KIAA1328: variants seen among roughly 807,000 people sequenced by gnomAD.
KIAA1328 encodes protein hinderin.
KIAA1328 carries 52 observed loss-of-function variants against 68.1 expected under a neutral mutation model. The observed-to-expected ratio is 0.76, with a 90% CI of 0.61 to 0.96. The LOEUF (loss-of-function observed/expected upper bound fraction) is 0.96. KIAA1328 is among the 40% of genes least tolerant of loss of function. The pLI is 0.00. For missense variants in KIAA1328, 641 were observed against 677.6 expected (o/e 0.95, Z 0.60); for synonymous variants, 232 against 239.4 (o/e 0.97, Z 0.28).
intron 7 of KIAA1328, among the ~76,000 whole-genome samples, chr18:37,143,849 C>G (rs892915496): frequency 6.6e-6 from 1 of 151,786 alleles, no homozygotes; most frequent in Non-Finnish European, 1.5e-5. Context: ...GAATGTTAAG[C>G]CAATGTTATA....
At chr18:37,165,608 TAGAC>T (rs2059373365) in intron 8 of KIAA1328, among the ~76,000 whole-genome samples, 1 of 148,364 alleles carries the variant, frequency 6.7e-6, no homozygotes, top group Non-Finnish European at 1.5e-5. Context: ...TTTTTTTTTT[TAGAC>T]AGAGTTTTTG....
intron 6 of KIAA1328, among the ~76,000 whole-genome samples, chr18:36,992,214 T>G (rs1484550751): frequency 6.6e-6 from 1 of 152,220 alleles, no homozygotes; most frequent in Non-Finnish European, 1.5e-5. Context: ...ATAGTTTCTT[T>G]GCTGTCTTTA....
At chr18:36,915,785 T>C (rs539992812) in intron 5 of KIAA1328, among the ~76,000 whole-genome samples, 1 of 152,300 alleles carries the variant, frequency 6.6e-6, no homozygotes, top group Non-Finnish European at 1.5e-5. Flanking sequence ...CAGTTTCTTA[T>C]AAAAGTTAAG....
chr18:37,121,806 A>T (rs139377665), intron 7 of KIAA1328, among the ~76,000 whole-genome samples: 1 of 152,118 alleles, frequency 6.6e-6, no homozygotes. Flanking sequence ...TTTTGAAGAG[A>T]TGCAGGCCTC....
At chr18:37,120,121 A>G (rs1012702157) in intron 7 of KIAA1328, among the ~76,000 whole-genome samples, 1 of 152,176 alleles carries the variant, frequency 6.6e-6, no homozygotes, top group Non-Finnish European at 1.5e-5. Flanking sequence ...ATTTTCAAAA[A>G]CCAAAGGTGT....
At chr18:37,079,818 T>G (rs972383329) in intron 7 of KIAA1328, among the ~76,000 whole-genome samples, 8 of 145,838 alleles carry the variant, frequency 5.5e-5, no homozygotes, top group African/African-American at 1.8e-4. Flanking sequence ...GTGCGGGAGG[T>G]GGAGGTTGCA....
In KIAA1328 at chr18:37,225,181, C is replaced by T; in HGVS notation, c.*2954C>T. ...AGAGGAGAGGCCTGATGGGGCAGAG[C>T]TGGACGAAGTCTGCTAAGAGAGATG... On this transcript the variant is annotated 3_prime_UTR_variant, in exon 10 of 10. Transcript: ENST00000280020. 1.0e-6 allele frequency: 1 copy of T among 985,470 alleles called. No homozygotes were observed. The highest frequency in any genetic ancestry group is 1.2e-6 in the Non-Finnish European group (1 of 829,962). 61.0% of individuals were successfully genotyped at this position (985,470 alleles called of 1,614,324 possible). A position where few individuals can be genotyped will look rare whatever the true frequency, so the allele number is the denominator to read the frequency against.
At chr18:37,073,534 G>A (rs2056607446) in intron 7 of KIAA1328, among the ~76,000 whole-genome samples, 1 of 152,110 alleles carries the variant, frequency 6.6e-6, no homozygotes, top group Admixed American at 6.5e-5. Flanking sequence ...GCTTTTTTGT[G>A]TATATTTAGT....
intron 4 of KIAA1328, among the ~76,000 whole-genome samples, chr18:36,870,003 C>T (rs2047890899): frequency 6.6e-6 from 1 of 152,048 alleles, no homozygotes; most frequent in Non-Finnish European, 1.5e-5. Context: ...GCTGGGATTA[C>T]AGGTGCGCGC....
chr18:37,104,412 A>G (rs1482319646), intron 7 of KIAA1328, among the ~76,000 whole-genome samples: 1 of 152,210 alleles, frequency 6.6e-6, no homozygotes, highest in African/African-American at 2.4e-5. Context: ...TAAGACAGGC[A>G]CAGAAAGAGA....
intron 6 of KIAA1328, among the ~76,000 whole-genome samples, chr18:37,047,054 C>A (rs969608796): frequency 3.9e-5 from 6 of 152,162 alleles, no homozygotes; most frequent in Non-Finnish European, 8.8e-5. Flanking sequence ...AACACTTGAA[C>A]CGAAATCGCG....
intron 4 of KIAA1328, among the ~76,000 whole-genome samples, chr18:36,879,775 G>A (rs72887008): frequency 0.11 from 17,484 of 152,178 alleles, 1,163 homozygotes; most frequent in Non-Finnish European, 0.13. Context: ...GCTTTGCTGC[G>A]TTGTGGTGGG....
intron 9 of KIAA1328, among the ~76,000 whole-genome samples, chr18:37,214,283 G>A (rs962625488): frequency 2.0e-5 from 3 of 152,168 alleles, no homozygotes; most frequent in Admixed American, 6.5e-5. Context: ...ATGGTTTTAG[G>A]TCTAACATTT....
At chr18:37,075,584 A>G (rs2056696782) in intron 7 of KIAA1328, 1 of 152,188 alleles carries the variant, frequency 6.6e-6, no homozygotes, top group Non-Finnish European at 1.5e-5. Flanking sequence ...TTTTCAGGAA[A>G]CCCATCTCAC....
intron 6 of KIAA1328, among the ~76,000 whole-genome samples, chr18:37,030,846 C>T (rs1033294938): frequency 1.3e-5 from 2 of 152,026 alleles, no homozygotes; most frequent in Admixed American, 6.6e-5. Context: ...CCCCACCCCC[C>T]GACAGGCCCC....
chr18:36,892,163 AGG>A (rs1418764547), intron 5 of KIAA1328, among the ~76,000 whole-genome samples: 1 of 152,068 alleles, frequency 6.6e-6, no homozygotes, highest in African/African-American at 2.4e-5. Context: ...ACCATACTGC[AGG>A]AAGCTGTATC....
chr18:37,163,044 A>G (rs1166239215), intron 8 of KIAA1328, among the ~76,000 whole-genome samples: 1 of 152,366 alleles, frequency 6.6e-6, no homozygotes, highest in East Asian at 1.9e-4. Context: ...ATACTTGGGA[A>G]AATCTAAACT....
At chr18:37,230,703 G>A (rs1296699560), downstream of KIAA1328, 1 of 152,120 alleles carries the variant, frequency 6.6e-6, no homozygotes, top group Non-Finnish European at 1.5e-5. Flanking sequence ...GACTACTCCA[G>A]CCTTCTTGCA....
At chr18:36,940,109 A>G (rs1247600978) in intron 5 of KIAA1328, among the ~76,000 whole-genome samples, 1 of 152,214 alleles carries the variant, frequency 6.6e-6, no homozygotes, top group Non-Finnish European at 1.5e-5. Flanking sequence ...AATTTCTTAT[A>G]AAAAGATATG....
Sources: allele counts gnomAD v4.1 joint callset (sites outside exome capture counted in the v4.1 genomes callset), GRCh38; gene constraint gnomAD v4.1.1; transcripts MANE v1.5; gene names NCBI Gene and HGNC (gene_info 2026-07-23, HGNC 2026-07-21).